CTNNA3: variants seen among roughly 807,000 people sequenced by gnomAD.
The protein encoded by CTNNA3 is catenin alpha-3.
CTNNA3 carries 76 observed loss-of-function variants against 95.7 expected under a neutral mutation model. That is an observed-to-expected ratio of 0.79 (90% confidence interval 0.66 to 0.96). The LOEUF (loss-of-function observed/expected upper bound fraction) is 0.96, where lower values mean the gene tolerates loss of function less well. Ranked by LOEUF, CTNNA3 falls within the 40% of genes least tolerant of loss-of-function variation. The pLI, the probability that CTNNA3 is intolerant of heterozygous loss-of-function variation, is 0.00. For synonymous variants in CTNNA3, 431 were observed against 374.4 expected (o/e 1.15, Z -1.74); for missense variants, 1,191 against 1,089.8 (o/e 1.09, Z -1.31).
rs192392661 is a variant in CTNNA3, at chr10:67,344,886, G to T, written c.580-125016C>A. ...TTTATAGTTTCTTCTACTAATGTGGGGTTTGCATTTTCTCTCACTTTTCCA... is the reference window on the plus strand; with the variant it reads ...TTTATAGTTTCTTCTACTAATGTGGTGTTTGCATTTTCTCTCACTTTTCCA... On this transcript the variant is annotated intron_variant, in intron 5 of 17. Coordinates refer to ENST00000433211, the MANE Select transcript of CTNNA3 (RefSeq NM_013266.4). Among the ~76,000 whole-genome samples the T allele has an allele frequency of 2.6e-5, 4 of 150,968 alleles. No individual in the cohort carries two copies. The East Asian group carries it at 7.8e-4, about 29-fold the overall frequency.
At chr10:66,387,777 G>A (rs2092904849) in intron 11 of CTNNA3, among the ~76,000 whole-genome samples, 1 of 152,142 alleles carries the variant, frequency 6.6e-6, no homozygotes, top group Admixed American at 6.5e-5. Context: ...AAAACAGGAT[G>A]AGTTCATGTC....
chr10:67,116,724 ATAT>A (rs1404851887), intron 7 of CTNNA3, among the ~76,000 whole-genome samples: 397 of 24,646 alleles, frequency 0.016, 1 homozygote, highest in African/African-American at 0.11. Context: ...TTTTGAAAAT[ATAT>A]ATATATATAT....
At chr10:66,140,888 T>C (rs2083580540) in intron 13 of CTNNA3, among the ~76,000 whole-genome samples, 1 of 152,206 alleles carries the variant, frequency 6.6e-6, no homozygotes, top group African/African-American at 2.4e-5. Context: ...TTTGTCATTG[T>C]TGTTGCTGTT....
intron 12 of CTNNA3, among the ~76,000 whole-genome samples, chr10:66,308,289 TAG>T (rs911124568): frequency 2.0e-5 from 3 of 152,200 alleles, no homozygotes; most frequent in Admixed American, 6.5e-5. Flanking sequence ...TATTTCACAT[TAG>T]GTTTAACTTT....
intron 7 of CTNNA3, among the ~76,000 whole-genome samples, chr10:66,778,152 T>C (rs1840386634): frequency 6.6e-6 from 1 of 152,190 alleles, no homozygotes; most frequent in African/African-American, 2.4e-5. Flanking sequence ...TTTTCTCCCT[T>C]GATCCCCTAT....
intron 5 of CTNNA3, among the ~76,000 whole-genome samples, chr10:67,430,820 TACACACACACACACAC>T (rs371146065): frequency 7.2e-6 from 1 of 138,770 alleles, no homozygotes; most frequent in Non-Finnish European, 1.6e-5. Context: ...CAAACATAAC[TACACACACACACACAC>T]ACACACACAC....
intron 7 of CTNNA3, among the ~76,000 whole-genome samples, chr10:67,048,659 T>C (rs1425107817): frequency 6.6e-6 from 1 of 152,094 alleles, no homozygotes; most frequent in African/African-American, 2.4e-5. Context: ...CAGAAAACCC[T>C]ATGACGCACT....
intron 5 of CTNNA3, among the ~76,000 whole-genome samples, chr10:67,413,241 C>G (rs1035176284): frequency 6.6e-6 from 1 of 152,102 alleles, no homozygotes; most frequent in African/African-American, 2.4e-5. Context: ...CATTCTTCAT[C>G]TTTCATCATT....
chr10:66,826,800 G>A (rs528065898), intron 7 of CTNNA3, among the ~76,000 whole-genome samples: 61 of 152,190 alleles, frequency 4.0e-4, no homozygotes, highest in South Asian at 1.9e-3. Context: ...CACTGCTTAC[G>A]GTATAATGCC....
At chr10:66,577,423 T>G in intron 10 of CTNNA3, among the ~76,000 whole-genome samples, 1 of 152,122 alleles carries the variant, frequency 6.6e-6, no homozygotes, top group African/African-American at 2.4e-5. Context: ...CAGAATGGTA[T>G]TTCCTAAGTT....
chr10:66,515,799 C>T (rs1286757079), intron 11 of CTNNA3, among the ~76,000 whole-genome samples: 1 of 151,948 alleles, frequency 6.6e-6, no homozygotes, highest in Non-Finnish European at 1.5e-5. Flanking sequence ...ATCACAAGAA[C>T]AGGATGGGGG....
chr10:66,370,396 C>G (rs2092745128), intron 12 of CTNNA3, among the ~76,000 whole-genome samples: 2 of 152,258 alleles, frequency 1.3e-5, no homozygotes, highest in South Asian at 2.1e-4. Flanking sequence ...AAGAGAGAAG[C>G]CTTCTGCCAG....
At chr10:67,553,511 G>C (rs1251738786) in intron 3 of CTNNA3, among the ~76,000 whole-genome samples, 2 of 152,068 alleles carry the variant, frequency 1.3e-5, no homozygotes, top group Non-Finnish European at 2.9e-5. Flanking sequence ...TCTCCTATTA[G>C]TGTGGGAGAA....
rs778651735 is a variant in CTNNA3, at chr10:66,718,514, CA to C, written c.1281+47749del. Among the ~76,000 whole-genome samples the C allele has an allele frequency of 2.4e-4, 36 of 151,650 alleles. No individual in the cohort carries two copies. In the East Asian group the frequency reaches 2.7e-3, roughly 11 times the overall value. ...AACACTGAATATTTCTTAAATTGTC[CA>C]AAAAATACAGTATGCTCCCCATTAT... is the stretch of plus-strand genomic sequence containing the variant. On this transcript the variant is annotated intron_variant, in intron 9 of 17. Coordinates refer to ENST00000433211, the MANE Select transcript of CTNNA3 (RefSeq NM_013266.4).
intron 13 of CTNNA3, among the ~76,000 whole-genome samples, chr10:66,188,992 C>A (rs545397360): frequency 2.6e-5 from 4 of 152,060 alleles, no homozygotes; most frequent in Middle Eastern, 3.4e-3. Context: ...TCTTGAGCAC[C>A]TTTTCATATA....
intron 7 of CTNNA3, among the ~76,000 whole-genome samples, chr10:66,781,091 T>A (rs1239128326): frequency 7.3e-6 from 1 of 136,652 alleles, no homozygotes; most frequent in Non-Finnish European, 1.5e-5. Context: ...TTATGAAGCC[T>A]CAAACACTAA....
At chr10:66,178,566 G>T (rs10996955) in intron 13 of CTNNA3, among the ~76,000 whole-genome samples, 1 of 149,932 alleles carries the variant, frequency 6.7e-6, no homozygotes, top group Non-Finnish European at 1.5e-5. Flanking sequence ...TTGATAAACT[G>T]GATTTCATCC....
chr10:66,676,447 G>C (rs1846859648), intron 9 of CTNNA3, among the ~76,000 whole-genome samples: 1 of 152,016 alleles, frequency 6.6e-6, no homozygotes, highest in Admixed American at 6.6e-5. Flanking sequence ...ACATGAGCTA[G>C]AGTGATAAAG....
intron 13 of CTNNA3, among the ~76,000 whole-genome samples, chr10:66,230,150 G>A (rs565137163): frequency 1.3e-5 from 2 of 152,024 alleles, no homozygotes; most frequent in South Asian, 4.2e-4. Flanking sequence ...TTCTTGGATT[G>A]TCTATTTGTG....
Sources: allele counts gnomAD v4.1 joint callset (sites outside exome capture counted in the v4.1 genomes callset), GRCh38; gene constraint gnomAD v4.1.1; transcripts MANE v1.5; gene names NCBI Gene and HGNC (gene_info 2026-07-23, HGNC 2026-07-21).